The following SUSD2 variants were observed in gnomAD, a reference collection of about 807,000 sequenced individuals.
SUSD2 encodes sushi domain containing 2.
In SUSD2, 86 loss-of-function variants were observed where a neutral mutation model predicts 93.8. The observed-to-expected ratio is 0.92, with a 90% CI of 0.77 to 1.10. The LOEUF is 1.10. Ranked by LOEUF, SUSD2 falls within the 50% of genes least tolerant of loss-of-function variation. The probability of loss-of-function intolerance (pLI) is 0.00; values close to 1 mark genes in which losing one functional copy is unlikely to be tolerated. For synonymous variants in SUSD2, 483 were observed against 485.0 expected (o/e 1.00, Z 0.05); for missense variants, 1,060 against 1,137.0 (o/e 0.93, Z 0.97).
intron 3 of SUSD2, 108 bp downstream of exon 3, chr22:24,183,754 C>G: frequency 3.1e-6 from 4 of 1,310,834 alleles, no homozygotes; most frequent in Non-Finnish European, 4.1e-6. Context: ...CTGGCTGAAC[C>G]AGTCCCTTGG....
chr22:24,188,054 G>A lies in SUSD2; in HGVS notation c.2260G>A (p.Gly754Ser), dbSNP rs376889975. ...CACCATCTACTTCCACTGTGACAACGGCTACAGCCTGGCCGGGGCAGAGAC... is the reference window on the plus strand; with the variant it reads ...CACCATCTACTTCCACTGTGACAACAGCTACAGCCTGGCCGGGGCAGAGAC... ...GSTIYFHCDNGYSLAGAETST... is the reference protein window; with the variant it reads ...GSTIYFHCDNSYSLAGAETST... Residue 754 changes from glycine to serine, a missense_variant, in exon 13 of 15, where the codon GGC becomes AGC. By Grantham distance (56) the Gly-to-Ser change is moderately conservative. Transcript: ENST00000358321. The surrounding 1 kb of genome is among the most constrained non-coding windows in gnomAD (Gnocchi z 4.7). The A allele has an allele frequency of 2.8e-5, 45 of 1,612,764 alleles. No homozygotes were observed. Among genetic ancestry groups the A allele is most frequent in the African/African-American group, 2.0e-4 (15 of 74,902 alleles).
At chr22:24,181,799 C>A (rs1256804745) in intron 1 of SUSD2, among the ~76,000 whole-genome samples, 1 of 152,194 alleles carries the variant, frequency 6.6e-6, no homozygotes, top group Non-Finnish European at 1.5e-5. Flanking sequence ...CCACCCTAAA[C>A]CTGCTGGTAG....
Position 24,187,164 on chromosome 22 carries a change from C to G in SUSD2, c.1643-38C>G, listed in dbSNP as rs770531630. Reference sequence around the variant, plus strand: ...GGGCTGCGGGAGGGGACAAGATGCTCACAGCGGGTGACCCTAATGCATCCC... The same window carrying G: ...GGGCTGCGGGAGGGGACAAGATGCTGACAGCGGGTGACCCTAATGCATCCC... On this transcript the variant is annotated intron_variant, in intron 10 of 14. Transcript: ENST00000358321. The G allele has an allele frequency of 9.4e-6, 15 of 1,593,824 alleles. No individual in the cohort carries two copies. The South Asian group carries it at 1.7e-4, about 18-fold the overall frequency.
Position 24,187,787 on chromosome 22 carries a change from C to T in SUSD2, c.2108C>T (p.Thr703Ile), listed in dbSNP as rs1324750281. Residue 703 changes from threonine to isoleucine, a missense_variant, in exon 12 of 15, where the codon ACT becomes ATT. By Grantham distance (89) the Thr-to-Ile change is moderately conservative. Around this residue, in one of 2 missense-constraint regions of SUSD2, gnomAD observed 973 missense variants for 1,005.3 expected, o/e 0.97. Coordinates refer to ENST00000358321, the MANE Select transcript of SUSD2 (RefSeq NM_019601.4). Reference protein sequence around the residue: ...VAATGSLSTGTATRVAHQLHQ... With the variant: ...VAATGSLSTGIATRVAHQLHQ... The stretch of plus-strand genomic sequence containing the variant: ...GCCACTGGGAGCCTGAGCACGGGCA[C>T]TGCCACTCGGGTGGCCCACCAGCTG... 2.5e-6 allele frequency: 4 copies of T among 1,613,698 alleles called. No homozygotes were observed. Among genetic ancestry groups the T allele is most frequent in the South Asian group, 1.1e-5 (1 of 91,084 alleles).
At position 24,184,344 on chromosome 22, in the gene SUSD2, G is replaced by A. The variant is rs1169702958; in HGVS notation, c.607+41G>A. ...GGCTGGGGTGGCATCAGAGCTTTGGGCCCCCAGAGGGGGAGAAAGGGGGTC... is the reference window on the plus strand; with the variant it reads ...GGCTGGGGTGGCATCAGAGCTTTGGACCCCCAGAGGGGGAGAAAGGGGGTC... On this transcript the variant is annotated intron_variant, in intron 4 of 14. Coordinates refer to ENST00000358321, the MANE Select transcript of SUSD2 (RefSeq NM_019601.4). 6 of 1,599,616 alleles carry A rather than the reference G, an allele frequency of 3.8e-6. No individual in the cohort carries two copies. In the African/African-American group the frequency reaches 8.0e-5, roughly 21 times the overall value.
intron 1 of SUSD2, among the ~76,000 whole-genome samples, chr22:24,181,999 C>A (rs1025322460): frequency 6.6e-6 from 1 of 152,220 alleles, no homozygotes; most frequent in African/African-American, 2.4e-5. Context: ...GTCCCCCACC[C>A]CATTTCCCAT....
At chr22:24,187,919 G>C in intron 12 of SUSD2, 40 bp from the exon 13 acceptor site, 1 of 1,608,906 alleles carries the variant, frequency 6.2e-7, no homozygotes, top group Non-Finnish European at 8.5e-7. Flanking sequence ...TGTATGCATG[G>C]CAGCTCAGGC....
chr22:24,183,577 G>A lies in SUSD2; in HGVS notation c.370G>A (p.Gly124Ser), dbSNP rs759259559. 1.3e-5 allele frequency: 21 copies of A among 1,613,272 alleles called. No individual in the cohort carries two copies. Among genetic ancestry groups the A allele is most frequent in the Non-Finnish European group, 1.6e-5 (19 of 1,180,006 alleles). The stretch of plus-strand genomic sequence containing the variant: ...TGTGTCACCTCTGCTCTATGAGAGC[G>A]GCCGCATCCCCTTCACTGTGTCACT... ...HCVSPLLYES[G>S]RIPFTVSLDN... The change falls in exon 3 of 15, where the codon GGC becomes AGC. Residue 124 changes from glycine (G) to serine (S), a missense_variant. Around this residue, in one of 2 missense-constraint regions of SUSD2, gnomAD observed 973 missense variants for 1,005.3 expected, o/e 0.97. Coordinates refer to ENST00000358321, the MANE Select transcript of SUSD2 (RefSeq NM_019601.4).
chr22:24,181,493 C>T lies in SUSD2; in HGVS notation c.-27C>T. On this transcript the variant is annotated 5_prime_UTR_variant, in exon 1 of 15. Coordinates refer to ENST00000358321, the MANE Select transcript of SUSD2 (RefSeq NM_019601.4). ...GCCGCCTCGCCTCGGAGCCACTGCA[C>T]TGCTGGCTGCAGACACAGGCTGCAC... The T allele has an allele frequency of 6.5e-7, 1 of 1,537,724 alleles. No individual in the cohort carries two copies. Among genetic ancestry groups the T allele is most frequent in the South Asian group, 1.2e-5 (1 of 84,096 alleles).
intron 6 of SUSD2, 23 bp downstream of exon 6, chr22:24,185,318 G>A: frequency 6.3e-7 from 1 of 1,599,184 alleles, no homozygotes; most frequent in Admixed American, 1.7e-5. Context: ...TCAGGGCCCA[G>A]GAGAGGGGAT....
intron 10 of SUSD2, chr22:24,186,936 C>T (rs963967683): frequency 1.8e-6 from 1 of 555,286 alleles, no homozygotes; most frequent in Admixed American, 3.1e-5. Context: ...GCTGCTGCAG[C>T]CAAGGCCAGA....
chr22:24,185,058 T>C, intron 5 of SUSD2, 36 bp from the exon 6 acceptor site: 1 of 1,610,562 alleles, frequency 6.2e-7, no homozygotes, highest in Non-Finnish European at 8.5e-7. Context: ...TGGGGTGGTG[T>C]GGGCTGGCCC....
intron 10 of SUSD2, 191 bp from the exon 11 acceptor site, chr22:24,187,011 G>A: frequency 3.0e-6 from 2 of 673,026 alleles, no homozygotes; most frequent in Admixed American, 2.9e-5. Flanking sequence ...GGTGCCGCTG[G>A]GAGTTCCACC....
chr22:24,188,004 A>C lies in SUSD2; in HGVS notation c.2210A>C (p.Glu737Ala). 24 of 1,612,940 alleles carry C rather than the reference A, an allele frequency of 1.5e-5. No individual in the cohort carries two copies. The highest frequency in any genetic ancestry group is 2.0e-5 in the Non-Finnish European group (24 of 1,179,974). The change falls in exon 13 of 15, where the codon GAG (glutamate) becomes GCG (alanine). Residue 737 changes from glutamate (E) to alanine (A), a missense_variant. Glu to Ala is a moderately radical substitution (Grantham distance 107). Around this residue, in one of 2 missense-constraint regions of SUSD2, gnomAD observed 973 missense variants for 1,005.3 expected, o/e 0.97. Coordinates refer to ENST00000358321, the MANE Select transcript of SUSD2 (RefSeq NM_019601.4). The surrounding 1 kb of genome is among the most constrained non-coding windows in gnomAD (Gnocchi z 4.7). ...GCCCCACCTCCCAACGGACAAAAGG[A>C]GGGCAACAGGTACCTGGCGGGTTCC... ...WLAPPPNGQKEGNRYLAGSTI... is the reference protein window; with the variant it reads ...WLAPPPNGQKAGNRYLAGSTI...
intron 1 of SUSD2, among the ~76,000 whole-genome samples, chr22:24,182,365 G>A (rs1273000388): frequency 2.6e-5 from 4 of 152,152 alleles, no homozygotes; most frequent in Non-Finnish European, 5.9e-5. Flanking sequence ...AGCCCCTTGT[G>A]GTGTGCACCC....
In SUSD2 at chr22:24,186,153, T is replaced by A; in HGVS notation, c.1477T>A (p.Ser493Thr). 2 of 1,609,376 alleles carry A rather than the reference T, an allele frequency of 1.2e-6. No individual in the cohort carries two copies. The highest frequency in any genetic ancestry group is 1.1e-5 in the South Asian group (1 of 90,742). The change falls in exon 9 of 15, where the codon TCC (serine) becomes ACC (threonine). Residue 493 changes from serine (S) to threonine (T), a missense_variant. Transcript: ENST00000358321. ...GGCGCGGGCCCAGCCCGGGACGATG[T>A]CCAACGGTGAGGCCAGGGCTAGGGG... ...VQARAQPGTM[S>T]NGTETRGTGL... is the part of the protein sequence containing the mutation.
intron 1 of SUSD2, 102 bp from the exon 2 acceptor site, chr22:24,182,955 G>T: frequency 1.0e-6 from 1 of 956,088 alleles, no homozygotes; most frequent in South Asian, 1.6e-5. Flanking sequence ...TCCTGGGGAT[G>T]CTGCTGTCTA....
At position 24,185,224 on chromosome 22, in the gene SUSD2, A is replaced by G; in HGVS notation, c.913A>G (p.Asn305Asp). ...AWEELEDQLP[N>D]FLEELPDCPC... ...GGAGGAGCTGGAGGATCAGCTGCCCAACTTCCTGGAGGAGCTGCCGGACTG... is the reference window on the plus strand; with the variant it reads ...GGAGGAGCTGGAGGATCAGCTGCCCGACTTCCTGGAGGAGCTGCCGGACTG... The change falls in exon 6 of 15, where the codon AAC (asparagine) becomes GAC (aspartate). Residue 305 changes from asparagine (N) to aspartate (D), a missense_variant. Around this residue, in one of 2 missense-constraint regions of SUSD2, gnomAD observed 973 missense variants for 1,005.3 expected, o/e 0.97. Transcript: ENST00000358321. 6.2e-7 allele frequency: 1 copy of G among 1,610,006 alleles called. No individual in the cohort carries two copies. The highest frequency in any genetic ancestry group is 8.5e-7 in the Non-Finnish European group (1 of 1,179,910).
In SUSD2 at chr22:24,188,475, T is replaced by C; in HGVS notation, c.*39T>C. 1 of 1,600,222 alleles carries C rather than the reference T, an allele frequency of 6.2e-7. No homozygotes were observed. Among genetic ancestry groups the C allele is most frequent in the Non-Finnish European group, 8.5e-7 (1 of 1,173,864 alleles). On this transcript the variant is annotated 3_prime_UTR_variant, in exon 15 of 15. Transcript: ENST00000358321. This position sits in a 1 kb window ranked among gnomAD's most constrained non-coding sequence, Gnocchi z 4.7. Reference sequence around the variant, plus strand: ...GCTGTGAGCACCAGGCCAAGACTCCTGAGAACAGGCAGCCCAGTCCTGCGA... The same window carrying C: ...GCTGTGAGCACCAGGCCAAGACTCCCGAGAACAGGCAGCCCAGTCCTGCGA...
Sources: allele counts gnomAD v4.1 joint callset (sites outside exome capture counted in the v4.1 genomes callset), GRCh38; gene constraint gnomAD v4.1.1; regional missense constraint gnomAD v4.1.1; non-coding constraint Gnocchi (gnomAD v3.1); transcripts MANE v1.5; gene names NCBI Gene and HGNC (gene_info 2026-07-23, HGNC 2026-07-21).